The following WIF1 variants were observed in gnomAD, a reference collection of about 807,000 sequenced individuals.
The protein encoded by WIF1 is Wnt inhibitory factor 1.
In WIF1, 35 loss-of-function variants were observed where a neutral mutation model predicts 53.5. The ratio of observed to expected loss-of-function variants is 0.65; its 90% CI spans 0.50 to 0.87. The LOEUF is 0.87. Among genes scored for constraint, WIF1 ranks in the 40% least tolerant of loss-of-function variants. The pLI is 0.00. For missense variants in WIF1, 467 were observed against 476.8 expected, an observed-to-expected ratio of 0.98 and a Z score of 0.19; for synonymous variants, 171 against 170.4, an observed-to-expected ratio of 1.00 and a Z score of -0.03.
chr12:65,112,869 C>G (rs904395703), intron 2 of WIF1, among the ~76,000 whole-genome samples: 3 of 152,206 alleles, frequency 2.0e-5, no homozygotes, highest in African/African-American at 4.8e-5. Context: ...TCAAACATCA[C>G]TTGCTCAGTG....
intron 2 of WIF1, among the ~76,000 whole-genome samples, chr12:65,084,900 T>C (rs1360693925): frequency 1.3e-5 from 2 of 152,200 alleles, no homozygotes; most frequent in Non-Finnish European, 2.9e-5. Context: ...CAGCCCACAA[T>C]TGAGAATACA....
chr12:65,083,920 C>A (rs1882996640), intron 2 of WIF1: 2 of 317,750 alleles, frequency 6.3e-6, no homozygotes, highest in South Asian at 6.1e-5. Context: ...CTCACTGTAG[C>A]CTCAACCTCC....
At chr12:65,062,004 C>T (rs994794454) in intron 7 of WIF1, among the ~76,000 whole-genome samples, 32 of 152,026 alleles carry the variant, frequency 2.1e-4, no homozygotes, top group African/African-American at 6.5e-4. Flanking sequence ...TATTGCTATG[C>T]GCCTCTTTTT....
chr12:65,077,821 A>G lies in WIF1; in HGVS notation c.322T>C (p.Ser108Pro), dbSNP rs1882887483. The G allele has an allele frequency of 1.9e-6, 3 of 1,613,842 alleles. No homozygotes were observed. The South Asian group carries it at 3.3e-5, about 18-fold the overall frequency. The change falls in exon 3 of 10, where the codon TCC (serine) becomes CCC (proline). Residue 108 changes from serine to proline, a missense_variant. Physicochemically the swap from Ser to Pro is moderately conservative, Grantham distance 74. Coordinates refer to ENST00000286574, the MANE Select transcript of WIF1 (RefSeq NM_007191.5). ...EYFYEFLSLR[S>P]LDKGIMADPT... ...TCTGCCATGATGCCTTTATCCAGGG[A>G]GCGCAAGGACAGGAATTCATAGAAG...
intron 8 of WIF1, 72 bp downstream of exon 8, chr12:65,055,959 G>T: frequency 7.3e-7 from 1 of 1,373,278 alleles, no homozygotes; most frequent in Non-Finnish European, 1.0e-6. Flanking sequence ...AAGCACGGAA[G>T]TATGTAGTGA....
chr12:65,108,169 T>C (rs1359629464), intron 2 of WIF1, among the ~76,000 whole-genome samples: 2 of 152,224 alleles, frequency 1.3e-5, no homozygotes, highest in Admixed American at 6.5e-5. Context: ...GTTATATCTG[T>C]TTCCACATTA....
intron 2 of WIF1, among the ~76,000 whole-genome samples, chr12:65,103,260 A>C (rs992858582): frequency 6.6e-6 from 1 of 152,222 alleles, no homozygotes; most frequent in Non-Finnish European, 1.5e-5. Context: ...TCACCAATGC[A>C]TGATTTTTCC....
chr12:65,065,833 T>C (rs1485508736), intron 6 of WIF1, among the ~76,000 whole-genome samples: 1 of 152,130 alleles, frequency 6.6e-6, no homozygotes, highest in Non-Finnish European at 1.5e-5. Flanking sequence ...AAGTCTCTTG[T>C]AAAGAGTATG....
intron 2 of WIF1, among the ~76,000 whole-genome samples, chr12:65,091,267 TAGAG>T (rs1883117448): frequency 6.7e-6 from 1 of 149,768 alleles, no homozygotes; most frequent in African/African-American, 2.4e-5. Flanking sequence ...AAGAAAGACA[TAGAG>T]AGGAAATCCC....
At chr12:65,097,600 T>G (rs1005537818) in intron 2 of WIF1, among the ~76,000 whole-genome samples, 1 of 152,180 alleles carries the variant, frequency 6.6e-6, no homozygotes, top group Non-Finnish European at 1.5e-5. Flanking sequence ...CTACTTCTTT[T>G]TCCTACTTTT....
rs148425731 is a variant in WIF1 at position 65,105,328 on chromosome 12, C to T, written c.288+15089G>A. ...CCCTAAGGACCAGGCCTGATTTCTA[C>T]GGGGACATGGGCTGAAGGAACTTAA... On this transcript the variant is annotated intron_variant, in intron 2 of 9. Transcript: ENST00000286574. Among the ~76,000 whole-genome samples the T allele has an allele frequency of 8.0e-3, 1,221 of 152,246 alleles. 11 individuals are homozygous for T. Among genetic ancestry groups the T allele is most frequent in the Non-Finnish European group, 0.012 (811 of 68,008 alleles).
At chr12:65,067,849 A>G in intron 4 of WIF1, 59 bp from the exon 5 acceptor site, 4 of 1,471,206 alleles carry the variant, frequency 2.7e-6, no homozygotes, top group Non-Finnish European at 2.8e-6. Context: ...TGGGTGAATC[A>G]CAGCCAGTGT....
chr12:65,118,879 A>G (rs1425491445), intron 2 of WIF1, among the ~76,000 whole-genome samples: 2 of 151,606 alleles, frequency 1.3e-5, no homozygotes, highest in Admixed American at 6.6e-5. Flanking sequence ...GGAGAGGGGG[A>G]GAGAGAGAGA....
At chr12:65,104,482 T>C (rs1883326237) in intron 2 of WIF1, among the ~76,000 whole-genome samples, 1 of 152,210 alleles carries the variant, frequency 6.6e-6, no homozygotes, top group Admixed American at 6.5e-5. Context: ...ACTACCTGAG[T>C]GTACATCTTG....
chr12:65,117,976 G>A (rs1883538065), intron 2 of WIF1, among the ~76,000 whole-genome samples: 1 of 152,194 alleles, frequency 6.6e-6, no homozygotes, highest in Non-Finnish European at 1.5e-5. Flanking sequence ...ACCAGCACTG[G>A]TCTGTGGCCC....
chr12:65,083,829 CTCTTTTCTTT>C (rs71096022), intron 2 of WIF1: 4 of 251,840 alleles, frequency 1.6e-5, no homozygotes, highest in African/African-American at 1.6e-4. Flanking sequence ...CTCCTCTTTT[CTCTTTTCTTT>C]TCTTTTCTTT....
At chr12:65,115,072 T>C (rs1883488434) in intron 2 of WIF1, among the ~76,000 whole-genome samples, 1 of 151,806 alleles carries the variant, frequency 6.6e-6, no homozygotes, top group African/African-American at 2.4e-5. Flanking sequence ...AGACACCAAT[T>C]TCACCCCAAC....
At chr12:65,093,736 T>A (rs1470767691) in intron 2 of WIF1, among the ~76,000 whole-genome samples, 3 of 152,096 alleles carry the variant, frequency 2.0e-5, no homozygotes, top group Non-Finnish European at 2.9e-5. Flanking sequence ...GTTGATCTGA[T>A]GTGATGAGAG....
intron 2 of WIF1, among the ~76,000 whole-genome samples, chr12:65,078,828 T>A (rs971996015): frequency 5.3e-5 from 8 of 152,144 alleles, no homozygotes; most frequent in African/African-American, 1.7e-4. Flanking sequence ...ATAATCTCAC[T>A]ATAGAGCTTT....
Sources: gnomAD v4.1 joint callset for allele counts (sites outside exome capture counted in the v4.1 genomes callset) on GRCh38, gnomAD v4.1.1 for gene constraint, MANE v1.5 for transcripts, NCBI Gene and HGNC (gene_info 2026-07-23, HGNC 2026-07-21) for gene names.